DOCK1: variants seen among roughly 807,000 people sequenced by gnomAD.
The protein encoded by DOCK1 is dedicator of cytokinesis protein 1.
Under a neutral mutation model 262.7 loss-of-function variants are expected in DOCK1, and 138 were observed. That is an observed-to-expected ratio of 0.53 (90% CI 0.46 to 0.61). The LOEUF (loss-of-function observed/expected upper bound fraction) is 0.61, where lower values mean the gene tolerates loss of function less well. DOCK1 is among the 20% of genes least tolerant of loss of function. DOCK1 has a pLI of 0.00. For missense variants in DOCK1, 1,908 were observed against 2,370.7 expected (o/e 0.80, Z 4.05); for synonymous variants, 866 against 867.4 (o/e 1.00, Z 0.03).
intron 13 of DOCK1, among the ~76,000 whole-genome samples, chr10:127,021,941 C>CTTTG (rs1352808634): frequency 6.6e-6 from 1 of 152,092 alleles, no homozygotes; most frequent in Non-Finnish European, 1.5e-5. Flanking sequence ...CGGAACCGCT[C>CTTTG]TTTGGCTCCT....
At chr10:127,217,612 A>T (rs2058269874) in intron 27 of DOCK1, among the ~76,000 whole-genome samples, 2 of 152,264 alleles carry the variant, frequency 1.3e-5, no homozygotes, top group African/African-American at 4.8e-5. Context: ...TGTTTCAGAT[A>T]TATAAGGCCA....
intron 44 of DOCK1, among the ~76,000 whole-genome samples, chr10:127,416,944 A>G (rs12354722): frequency 0.11 from 16,158 of 152,110 alleles, 883 homozygotes; most frequent in South Asian, 0.16. Context: ...CAATCTCCCC[A>G]AGGCTGTCCC....
chr10:126,912,088 T>C (rs763751941), intron 1 of DOCK1, among the ~76,000 whole-genome samples: 9 of 152,166 alleles, frequency 5.9e-5, no homozygotes, highest in Non-Finnish European at 1.3e-4. Flanking sequence ...CCTGTCTTCA[T>C]AGGGTCTTCC....
chr10:126,947,623 T>G (rs1250511008), intron 1 of DOCK1, among the ~76,000 whole-genome samples: 1 of 112,714 alleles, frequency 8.9e-6, no homozygotes, highest in Non-Finnish European at 1.8e-5. Context: ...TGGTGGTGGT[T>G]GGTAGTATTA....
chr10:126,965,405 T>C (rs1253241876), intron 1 of DOCK1, among the ~76,000 whole-genome samples: 1 of 152,130 alleles, frequency 6.6e-6, no homozygotes. Flanking sequence ...TGAGCCATCA[T>C]TCAGAATGCT....
At chr10:127,024,971 C>G (rs1401051918) in intron 15 of DOCK1, 188 bp downstream of exon 15, 1 of 485,850 alleles carries the variant, frequency 2.1e-6, no homozygotes, top group African/African-American at 1.9e-5. Flanking sequence ...TTACTCTCAT[C>G]TCCTTTTGGA....
intron 6 of DOCK1, among the ~76,000 whole-genome samples, chr10:126,993,876 G>A (rs1220709380): frequency 3.9e-5 from 6 of 152,224 alleles, no homozygotes; most frequent in Non-Finnish European, 7.3e-5. Context: ...TGGCAGACTC[G>A]TATCTGGCTT....
intron 1 of DOCK1, among the ~76,000 whole-genome samples, chr10:126,963,411 C>G (rs2037377003): frequency 6.6e-6 from 1 of 152,116 alleles, no homozygotes; most frequent in Non-Finnish European, 1.5e-5. Flanking sequence ...TCTGTACCTC[C>G]TTAAGATTAT....
intron 31 of DOCK1, chr10:127,344,370 C>G (rs1017649581): frequency 2.0e-5 from 3 of 152,232 alleles, no homozygotes; most frequent in Non-Finnish European, 4.4e-5. Context: ...GTTTCCTTCC[C>G]CTGTTTGGAC....
At chr10:127,058,166 T>G (rs2045291361) in intron 22 of DOCK1, among the ~76,000 whole-genome samples, 1 of 152,152 alleles carries the variant, frequency 6.6e-6, no homozygotes, top group Non-Finnish European at 1.5e-5. Flanking sequence ...CAAGAGAAAC[T>G]GTTTTACATT....
At chr10:126,949,286 C>G (rs1342403565) in intron 1 of DOCK1, among the ~76,000 whole-genome samples, 1 of 152,128 alleles carries the variant, frequency 6.6e-6, no homozygotes, top group East Asian at 1.9e-4. Context: ...AGCCGCAGGA[C>G]AGCCCCTAAG....
At chr10:127,315,077 T>C (rs562785064) in intron 29 of DOCK1, among the ~76,000 whole-genome samples, 38 of 152,278 alleles carry the variant, frequency 2.5e-4, no homozygotes, top group African/African-American at 9.1e-4. Flanking sequence ...GGGAGGCTCC[T>C]CGTCATAGGG....
intron 39 of DOCK1, among the ~76,000 whole-genome samples, chr10:127,403,666 G>A (rs1259104528): frequency 1.3e-5 from 2 of 152,196 alleles, no homozygotes; most frequent in African/African-American, 4.8e-5. Context: ...GGCTGAGGCT[G>A]GAGAATCGCT....
chr10:126,954,013 A>G (rs906632693), intron 1 of DOCK1, among the ~76,000 whole-genome samples: 1 of 152,106 alleles, frequency 6.6e-6, no homozygotes, highest in African/African-American at 2.4e-5. Flanking sequence ...TTTCTGGGCA[A>G]AGTCTCCCCT....
chr10:126,924,670 C>A (rs546337945), intron 1 of DOCK1, among the ~76,000 whole-genome samples: 79 of 152,316 alleles, frequency 5.2e-4, no homozygotes, highest in Middle Eastern at 3.4e-3. Context: ...AAAATGAAAT[C>A]TCATTTTGCA....
intron 10 of DOCK1, among the ~76,000 whole-genome samples, chr10:127,007,951 ATTGT>A (rs921155644): frequency 3.9e-5 from 6 of 152,186 alleles, no homozygotes; most frequent in Admixed American, 6.5e-5. Flanking sequence ...TGTTGGCTTA[ATTGT>A]TTGCGGGAAA....
rs2055211984 is a variant in DOCK1 at position 127,176,906 on chromosome 10, G to C, written c.2847+49142G>C. On this transcript the variant is annotated intron_variant, in intron 27 of 51. Coordinates refer to ENST00000623213, the MANE Select transcript of DOCK1 (RefSeq NM_001290223.2). The surrounding 1 kb of genome is among the most constrained non-coding windows in gnomAD (Gnocchi z 4.4). ...GCTGCCACGTCTCGAGCAGATAAAT[G>C]TGGAGAGCCCTCCGAGGAGGAACGG... is the stretch of plus-strand genomic sequence containing the variant. The C allele has an allele frequency of 6.5e-6, 1 of 153,352 alleles. No homozygotes were observed. The highest frequency in any genetic ancestry group is 6.5e-5 in the Admixed American group (1 of 15,410). The allele number at this position is 153,352 out of a possible 1,614,324, so 9.5% of individuals were successfully genotyped here. A position where few individuals can be genotyped will look rare whatever the true frequency, so the allele number is the denominator to read the frequency against.
At chr10:127,048,229 G>T (rs1233791790) in intron 21 of DOCK1, among the ~76,000 whole-genome samples, 1 of 152,102 alleles carries the variant, frequency 6.6e-6, no homozygotes, top group Non-Finnish European at 1.5e-5. Flanking sequence ...ATCTCTTGGT[G>T]ATTTTAATTT....
At chr10:127,003,752 G>A (rs1376835398) in intron 10 of DOCK1, among the ~76,000 whole-genome samples, 4 of 152,122 alleles carry the variant, frequency 2.6e-5, no homozygotes, top group Non-Finnish European at 2.9e-5. Context: ...TTGGGTGTTC[G>A]AGACCAGCCT....
Sources: gnomAD v4.1 joint callset for allele counts (sites outside exome capture counted in the v4.1 genomes callset) on GRCh38, gnomAD v4.1.1 for gene constraint, Gnocchi (gnomAD v3.1) non-coding constraint, MANE v1.5 for transcripts, NCBI Gene and HGNC (gene_info 2026-07-23, HGNC 2026-07-21) for gene names.